Variants in MAD1L1 observed in about 807,000 individuals in gnomAD.
The protein encoded by MAD1L1 is mitotic spindle assembly checkpoint protein MAD1.
In MAD1L1, 95 loss-of-function variants were observed where a neutral mutation model predicts 96.9. That is an observed-to-expected ratio of 0.98 (90% CI 0.83 to 1.16). The LOEUF is 1.16. MAD1L1 is among the 50% of genes most tolerant of loss of function. MAD1L1 has a pLI of 0.00. For synonymous variants in MAD1L1, 473 were observed against 396.6 expected, an observed-to-expected ratio of 1.19 and a Z score of -2.29; for missense variants, 1,007 against 954.4, an observed-to-expected ratio of 1.06 and a Z score of -0.73.
intron 1 of MAD1L1, among the ~76,000 whole-genome samples, chr7:2,232,173 C>A (rs1034872324): frequency 6.6e-6 from 1 of 152,262 alleles, no homozygotes; most frequent in Non-Finnish European, 1.5e-5. Flanking sequence ...AGGGAACAGC[C>A]AAGCGCGTTT....
chr7:2,083,535 G>C (rs988482543), intron 11 of MAD1L1, among the ~76,000 whole-genome samples: 2 of 152,340 alleles, frequency 1.3e-5, no homozygotes, highest in African/African-American at 4.8e-5. Context: ...GTAAATCAGC[G>C]GAGAGGCCTC....
chr7:1,968,082 G>C lies in MAD1L1; in HGVS notation c.1506-10363C>G, dbSNP rs1459668383. Among the ~76,000 whole-genome samples, 1 of 152,264 alleles carries C rather than the reference G, an allele frequency of 6.6e-6. No individual in the cohort carries two copies. The highest frequency in any genetic ancestry group is 2.4e-5 in the African/African-American group (1 of 41,472). On this transcript the variant is annotated intron_variant, in intron 15 of 18. Coordinates refer to ENST00000265854, the MANE Select transcript of MAD1L1 (RefSeq NM_001013836.2). The surrounding 1 kb of genome is among the most constrained non-coding windows in gnomAD (Gnocchi z 5.6). ...CACAGAACTCCACATCATACATGTAGAACTCATCCCTCCAGAGGGGGAGCG... is the reference window on the plus strand; with the variant it reads ...CACAGAACTCCACATCATACATGTACAACTCATCCCTCCAGAGGGGGAGCG...
intron 18 of MAD1L1, among the ~76,000 whole-genome samples, chr7:1,888,175 TGTGC>T (rs1246082410): frequency 2.6e-5 from 4 of 151,262 alleles, no homozygotes; most frequent in African/African-American, 9.8e-5. Flanking sequence ...TGCAGCTGCC[TGTGC>T]GTGTGTGCAT....
chr7:2,218,547 C>A (rs1793417772), intron 6 of MAD1L1, among the ~76,000 whole-genome samples: 1 of 152,214 alleles, frequency 6.6e-6, no homozygotes, highest in Non-Finnish European at 1.5e-5. Flanking sequence ...TCGGCTCAGC[C>A]CTGTGCCTGG....
chr7:2,045,905 T>C (rs1783898444), intron 12 of MAD1L1, among the ~76,000 whole-genome samples: 1 of 152,198 alleles, frequency 6.6e-6, no homozygotes, highest in South Asian at 2.1e-4. Flanking sequence ...CCCATGGAGC[T>C]GAGCCATCAT....
chr7:2,115,487 C>A (rs897155074), intron 11 of MAD1L1, among the ~76,000 whole-genome samples: 2 of 149,732 alleles, frequency 1.3e-5, no homozygotes, highest in Non-Finnish European at 3.0e-5. Flanking sequence ...AGGGTCCCCA[C>A]GTGTTCCGGG....
At chr7:2,036,778 C>A (rs1414939724) in intron 12 of MAD1L1, among the ~76,000 whole-genome samples, 1 of 152,156 alleles carries the variant, frequency 6.6e-6, no homozygotes. Context: ...CCTGGCAGTA[C>A]AGGGAGCCCA....
rs1282354392 is a variant in MAD1L1 at position 1,904,279 on chromosome 7, G to C, written c.1808-5889C>G. 5.6e-4 allele frequency among the ~76,000 whole-genome samples: 83 copies of C among 146,912 alleles called. 1 individual carries two copies. Among genetic ancestry groups the C allele is most frequent in the Admixed American group, 1.2e-3 (18 of 14,896 alleles). On this transcript the variant is annotated intron_variant, in intron 17 of 18. Coordinates refer to ENST00000265854, the MANE Select transcript of MAD1L1 (RefSeq NM_001013836.2). ...ATGAAGCACTGTTCCAGGCAGTGAGGACGCAGTGGCCTATGGAAGACGCTC... is the reference window on the plus strand; with the variant it reads ...ATGAAGCACTGTTCCAGGCAGTGAGCACGCAGTGGCCTATGGAAGACGCTC...
At chr7:2,045,736 G>A (rs1783890660) in intron 12 of MAD1L1, among the ~76,000 whole-genome samples, 1 of 152,106 alleles carries the variant, frequency 6.6e-6, no homozygotes. Flanking sequence ...AGGAGAGTGG[G>A]GTGGGGGAGG....
chr7:1,887,520 CGTGT>C (rs773415180), intron 18 of MAD1L1, among the ~76,000 whole-genome samples: 1 of 135,448 alleles, frequency 7.4e-6, no homozygotes, highest in Non-Finnish European at 1.6e-5. Flanking sequence ...GCTGCCTGTG[CGTGT>C]GTGTCTGCAT....
intron 16 of MAD1L1, among the ~76,000 whole-genome samples, chr7:1,954,813 C>A (rs1030209530): frequency 6.6e-6 from 1 of 152,200 alleles, no homozygotes; most frequent in Non-Finnish European, 1.5e-5. Context: ...TCCGTGGGTG[C>A]CCCGAGCTCT....
Position 2,222,623 on chromosome 7 carries a change from G to A in MAD1L1, c.423C>T (p.Ala141=). The change falls in exon 5 of 19, where the codon GCC becomes GCT. Residue 141 remains alanine (A), a synonymous_variant. Coordinates refer to ENST00000265854, the MANE Select transcript of MAD1L1 (RefSeq NM_001013836.2). ...CCTCTTTCTCACGCAGCCTCTTGCT[G>A]GCAGCATCCAAGTTCTGCTGACACT... ...NRQCQQNLDA[A]SKRLREKEDS... The A allele has an allele frequency of 6.2e-7, 1 of 1,613,058 alleles. No homozygotes were observed. The highest frequency in any genetic ancestry group is 8.5e-7 in the Non-Finnish European group (1 of 1,179,700).
chr7:2,014,773 A>C, intron 12 of MAD1L1, 131 bp from the exon 13 acceptor site: 10 of 1,058,320 alleles, frequency 9.4e-6, no homozygotes, highest in Non-Finnish European at 1.3e-5. Context: ...GCCAGCACTC[A>C]GAGCCCACCC....
chr7:1,938,264 A>G (rs113424011), intron 16 of MAD1L1, among the ~76,000 whole-genome samples: 9 of 76,376 alleles, frequency 1.2e-4, no homozygotes, highest in African/African-American at 2.8e-4. Context: ...CACACAAACA[A>G]CAGCCGCCCA....
chr7:1,874,066 G>A (rs1011368705), intron 18 of MAD1L1, among the ~76,000 whole-genome samples: 3 of 152,192 alleles, frequency 2.0e-5, no homozygotes, highest in Non-Finnish European at 2.9e-5. Flanking sequence ...TGCTAGGGTC[G>A]GTGCTTCTGC....
At chr7:2,211,371 G>A (rs1392064592) in intron 10 of MAD1L1, among the ~76,000 whole-genome samples, 1 of 152,188 alleles carries the variant, frequency 6.6e-6, no homozygotes, top group Non-Finnish European at 1.5e-5. Context: ...CGGGAACAGG[G>A]CTGAAAGGAT....
intron 17 of MAD1L1, among the ~76,000 whole-genome samples, chr7:1,903,634 T>C (rs1401727756): frequency 6.9e-6 from 1 of 145,534 alleles, no homozygotes; most frequent in Non-Finnish European, 1.5e-5. Context: ...TCATGATTGA[T>C]GAAGCACTGT....
At chr7:2,061,841 C>T (rs570601583) in intron 12 of MAD1L1, among the ~76,000 whole-genome samples, 1 of 152,304 alleles carries the variant, frequency 6.6e-6, no homozygotes, top group South Asian at 2.1e-4. Flanking sequence ...GAAAAATCAA[C>T]AAATCTCAGC....
intron 18 of MAD1L1, among the ~76,000 whole-genome samples, chr7:1,845,063 C>T (rs945252414): frequency 6.6e-6 from 1 of 152,224 alleles, no homozygotes; most frequent in African/African-American, 2.4e-5. Flanking sequence ...ACCTGGCGGG[C>T]GCGGGAGGCA....
Sources: gnomAD v4.1 joint callset for allele counts (sites outside exome capture counted in the v4.1 genomes callset) on GRCh38, gnomAD v4.1.1 for gene constraint, Gnocchi (gnomAD v3.1) non-coding constraint, MANE v1.5 for transcripts, NCBI Gene and HGNC (gene_info 2026-07-23, HGNC 2026-07-21) for gene names.